Variants in NOXRED1 observed in about 807,000 individuals in gnomAD.
NOXRED1 encodes NADP-dependent oxidoreductase domain-containing protein 1.
NOXRED1 carries 20 observed loss-of-function variants against 30.4 expected under a neutral mutation model. The ratio of observed to expected loss-of-function variants is 0.66; its 90% CI spans 0.46 to 0.96. NOXRED1 has a LOEUF of 0.96. Ranked by LOEUF, NOXRED1 falls within the 40% of genes least tolerant of loss-of-function variation. NOXRED1 has a pLI of 0.00. For missense variants in NOXRED1, 374 were observed against 428.0 expected (o/e 0.87, Z 1.11); for synonymous variants, 155 against 168.0 (o/e 0.92, Z 0.60).
intron 2 of NOXRED1, among the ~76,000 whole-genome samples, chr14:77,408,892 A>ATTTTTTTTTTGTTTTTTTTT (rs1894556904): frequency 1.5e-5 from 1 of 68,154 alleles, no homozygotes; most frequent in African/African-American, 5.1e-5. Flanking sequence ...CTGGTAGTTA[A>ATTTTTTTTTTGTTTTTTTTT]TTTTTTTTTT....
intron 2 of NOXRED1, among the ~76,000 whole-genome samples, chr14:77,411,401 C>T (rs1003075978): frequency 1.3e-4 from 18 of 141,944 alleles, no homozygotes; most frequent in African/African-American, 4.7e-4. Context: ...ACCCGGGAGG[C>T]TGAGGTTGCC....
Position 77,406,894 on chromosome 14 carries a change from CA to C in NOXRED1, c.531-20del, listed in dbSNP as rs1566708981. The C allele has an allele frequency of 3.1e-6, 5 of 1,607,532 alleles. No individual in the cohort carries two copies. The highest frequency in any genetic ancestry group is 4.3e-6 in the Non-Finnish European group (5 of 1,176,414). On this transcript the variant is annotated intron_variant, in intron 3 of 5. Coordinates refer to ENST00000380835, the MANE Select transcript of NOXRED1 (RefSeq NM_001113475.3). ...TTTCAGCCTGGAAGTAAAGCCAAGA[CA>C]GGGAGTGCAATGCCAGGACTGGAAT... is the stretch of plus-strand genomic sequence containing the variant.
chr14:77,398,304 C>T (rs550979679), intron 5 of NOXRED1, among the ~76,000 whole-genome samples: 1 of 152,306 alleles, frequency 6.6e-6, no homozygotes, highest in South Asian at 2.1e-4. Context: ...GAAAAATCCC[C>T]TTGTGCTTCC....
At chr14:77,419,446 CTTTTTTTTTTT>C (rs35341872) in intron 1 of NOXRED1, among the ~76,000 whole-genome samples, 1 of 91,528 alleles carries the variant, frequency 1.1e-5, no homozygotes, top group Non-Finnish European at 2.2e-5. Context: ...TTTCTTTTTC[CTTTTTTTTTTT>C]TTTTTTTTTG....
chr14:77,418,049 C>T (rs1208533589), intron 1 of NOXRED1, among the ~76,000 whole-genome samples: 1 of 152,116 alleles, frequency 6.6e-6, no homozygotes, highest in African/African-American at 2.4e-5. Flanking sequence ...TCTTCCCCTA[C>T]CCCTGCTTTT....
Position 77,405,897 on chromosome 14 carries a change from T to C in NOXRED1, c.905+16A>G, listed in dbSNP as rs1307372796. 6.8e-7 allele frequency: 1 copy of C among 1,479,392 alleles called. No individual in the cohort carries two copies. The highest frequency in any genetic ancestry group is 9.4e-7 in the Non-Finnish European group (1 of 1,058,644). 91.6% of individuals were successfully genotyped at this position (1,479,392 alleles called of 1,614,324 possible). A position where few individuals can be genotyped will look rare whatever the true frequency, so the allele number is the denominator to read the frequency against. On this transcript the variant is annotated intron_variant, in intron 5 of 5. Transcript: ENST00000380835. ...TCTGGGAGAAATGAGAATGGCCAGC[T>C]GTCCAATGCCCTTACCTTTCCTGAG...
chr14:77,414,137 G>T lies in NOXRED1; in HGVS notation c.156-10C>A, dbSNP rs755083181. On this transcript the variant is annotated splice_polypyrimidine_tract_variant and intron_variant, in intron 1 of 5. Transcript: ENST00000380835. ...CTTATTTAATGATGCTCTGGAGAAT[G>T]AACACACAGACACGTACATAAATAC... 26 of 1,540,390 alleles carry T rather than the reference G, an allele frequency of 1.7e-5. No individual in the cohort carries two copies. Among genetic ancestry groups the T allele is most frequent in the Non-Finnish European group, 2.0e-5 (23 of 1,122,498 alleles).
intron 5 of NOXRED1, among the ~76,000 whole-genome samples, chr14:77,402,356 T>C (rs761014780): frequency 8.5e-5 from 13 of 152,262 alleles, no homozygotes; most frequent in Non-Finnish European, 1.3e-4. Flanking sequence ...CCGGGCGCCA[T>C]GGCTCACGCC....
upstream of NOXRED1, among the ~76,000 whole-genome samples, chr14:77,425,800 G>A (rs1305542618): frequency 2.4e-4 from 36 of 152,252 alleles, no homozygotes; most frequent in Admixed American, 2.4e-3. Context: ...ATTGCCAAAT[G>A]TCTCTTGAGG....
chr14:77,410,050 GACTCAGTCTCT>G (rs905478912), intron 2 of NOXRED1, among the ~76,000 whole-genome samples: 8 of 151,854 alleles, frequency 5.3e-5, no homozygotes, highest in African/African-American at 1.9e-4. Context: ...TGATGCAGCT[GACTCAGTCTCT>G]CAGAGTGCTG....
chr14:77,422,161 A>C (rs967748865), intron 1 of NOXRED1, among the ~76,000 whole-genome samples: 2 of 152,192 alleles, frequency 1.3e-5, no homozygotes, highest in Non-Finnish European at 2.9e-5. Flanking sequence ...TGCAGAATTC[A>C]GAAGCCTAAT....
Position 77,406,481 on chromosome 14 carries a change from C to G in NOXRED1, c.682+243G>C, listed in dbSNP as rs1420420681. On this transcript the variant is annotated intron_variant, in intron 4 of 5. Transcript: ENST00000380835. ...CATTTTAGTCCAACATTACATCCTC[C>G]TATTGAAATAAGCTATCTCCTCTTT... 28 of 605,244 alleles carry G rather than the reference C, an allele frequency of 4.6e-5. No homozygotes were observed. The East Asian group carries it at 6.7e-4, about 14-fold the overall frequency. 37.5% of individuals were successfully genotyped at this position (605,244 alleles called of 1,614,324 possible).
chr14:77,394,696 C>A lies in NOXRED1; in HGVS notation c.1015G>T (p.Ala339Ser). The A allele has an allele frequency of 1.9e-6, 3 of 1,613,240 alleles. No homozygotes were observed. Among genetic ancestry groups the A allele is most frequent in the Non-Finnish European group, 2.5e-6 (3 of 1,179,320 alleles). ...TTGGTTAGGGAGATGCCAAATGAAG[C>A]ACAGTATAGATGGGTAAGGTGGTCT... ...LQDHLTHLYCASFGISLTKEQ... is the reference protein window; with the variant it reads ...LQDHLTHLYCSSFGISLTKEQ... The change falls in exon 6 of 6, where the codon GCT becomes TCT. Residue 339 changes from alanine to serine, a missense_variant. Ala to Ser is a moderately conservative substitution (Grantham distance 99, BLOSUM62 1). Coordinates refer to ENST00000380835, the MANE Select transcript of NOXRED1 (RefSeq NM_001113475.3).
At chr14:77,396,169 A>G (rs1894174534) in intron 5 of NOXRED1, among the ~76,000 whole-genome samples, 1 of 152,096 alleles carries the variant, frequency 6.6e-6, no homozygotes, top group African/African-American at 2.4e-5. Context: ...ATTAGAAGGC[A>G]TGGACATTGG....
At chr14:77,415,943 C>G (rs957364318) in intron 1 of NOXRED1, among the ~76,000 whole-genome samples, 4 of 152,000 alleles carry the variant, frequency 2.6e-5, no homozygotes, top group Admixed American at 6.6e-5. Context: ...TCGAACTCCC[C>G]ACTTCAAGTG....
intron 1 of NOXRED1, among the ~76,000 whole-genome samples, chr14:77,415,585 TATAG>T (rs35339836): frequency 0.12 from 18,037 of 145,330 alleles, 1,281 homozygotes; most frequent in African/African-American, 0.2. Flanking sequence ...AGAAAATACA[TATAG>T]ATAGATAGAT....
At chr14:77,405,775 C>T in intron 5 of NOXRED1, 138 bp downstream of exon 5, 1 of 610,928 alleles carries the variant, frequency 1.6e-6, no homozygotes, top group South Asian at 2.1e-5. Flanking sequence ...TTTACTTTTC[C>T]ACTAGTTGAA....
At chr14:77,402,606 C>T (rs1594870312) in intron 5 of NOXRED1, among the ~76,000 whole-genome samples, 1 of 151,606 alleles carries the variant, frequency 6.6e-6, no homozygotes, top group African/African-American at 2.4e-5. Flanking sequence ...TGCACTCTAG[C>T]CTGGGCAACA....
chr14:77,406,614 C>T, intron 4 of NOXRED1, 110 bp downstream of exon 4: 3 of 951,310 alleles, frequency 3.2e-6, no homozygotes, highest in Non-Finnish European at 3.4e-6. Context: ...CACACACACA[C>T]ACACACACAC....
Sources: allele counts gnomAD v4.1 joint callset (sites outside exome capture counted in the v4.1 genomes callset), GRCh38; gene constraint gnomAD v4.1.1; transcripts MANE v1.5; gene names NCBI Gene and HGNC (gene_info 2026-07-23, HGNC 2026-07-21).